Variants in UVSSA observed in about 807,000 individuals in gnomAD.
UVSSA encodes UV-stimulated scaffold protein A.
In UVSSA, 72 loss-of-function variants were observed where a neutral mutation model predicts 73.9. The ratio of observed to expected loss-of-function variants is 0.97; its 90% confidence interval spans 0.81 to 1.19. The LOEUF (loss-of-function observed/expected upper bound fraction) is 1.19, where lower values mean the gene tolerates loss of function less well. UVSSA is among the 50% of genes most tolerant of loss of function. The pLI is 0.00. For synonymous variants in UVSSA, 454 were observed against 391.3 expected, an observed-to-expected ratio of 1.16 and a Z score of -1.89; for missense variants, 1,150 against 965.0, an observed-to-expected ratio of 1.19 and a Z score of -2.54.
intron 10 of UVSSA, among the ~76,000 whole-genome samples, chr4:1,377,103 G>A (rs1718871359): frequency 6.6e-6 from 1 of 152,204 alleles, no homozygotes; most frequent in African/African-American, 2.4e-5. Context: ...TCTCATCCGT[G>A]TGAGGGGCTG....
In UVSSA at chr4:1,375,436, T is replaced by G. The variant is rs142208115; in HGVS notation, c.1361T>G (p.Val454Gly). 6.3e-5 allele frequency: 101 copies of G among 1,613,126 alleles called. No individual in the cohort carries two copies. In the African/African-American group the frequency reaches 6.7e-4, roughly 11 times the overall value. The change falls in exon 9 of 14, where the codon GTG (valine) becomes GGG (glycine). Residue 454 changes from valine to glycine, a missense_variant. Physicochemically the swap from Val to Gly is moderately radical, Grantham distance 109 (BLOSUM62 -3). Transcript: ENST00000389851. ...LRTRTRMDEE[V>G]SDPTSAAAQL... Reference sequence around the variant, plus strand: ...ACGAGGACGAGGATGGACGAGGAGGTGTCGGACCCCACCTCTGCGGCTGCT... The same window carrying G: ...ACGAGGACGAGGATGGACGAGGAGGGGTCGGACCCCACCTCTGCGGCTGCT...
At chr4:1,348,851 T>G (rs969094236) in intron 2 of UVSSA, among the ~76,000 whole-genome samples, 1 of 152,206 alleles carries the variant, frequency 6.6e-6, no homozygotes, top group Non-Finnish European at 1.5e-5. Context: ...GGTCAGGAGC[T>G]GGGAATAGGA....
intron 3 of UVSSA, among the ~76,000 whole-genome samples, chr4:1,350,252 A>G (rs1560420567): frequency 6.6e-6 from 1 of 152,148 alleles, no homozygotes; most frequent in Non-Finnish European, 1.5e-5. Flanking sequence ...CCCGCACCCT[A>G]CTATGGGCTC....
Position 1,386,011 on chromosome 4 carries a change from G to A in UVSSA, c.*50G>A. 1 of 1,588,664 alleles carries A rather than the reference G, an allele frequency of 6.3e-7. No homozygotes were observed. Among genetic ancestry groups the A allele is most frequent in the South Asian group, 1.1e-5 (1 of 90,574 alleles). On this transcript the variant is annotated 3_prime_UTR_variant, in exon 14 of 14. Transcript: ENST00000389851. ...ATCAGCACTTTCTCCCTCTGCCAGTGTCTCAGGACAGCAGAGTGGGCGTGG... is the reference window on the plus strand; with the variant it reads ...ATCAGCACTTTCTCCCTCTGCCAGTATCTCAGGACAGCAGAGTGGGCGTGG...
chr4:1,354,903 T>TGGTG (rs1553877117), intron 6 of UVSSA, 56 bp downstream of exon 6: 127 of 1,465,774 alleles, frequency 8.7e-5, no homozygotes, highest in Non-Finnish European at 1.1e-4. Flanking sequence ...GTGCCATGCA[T>TGGTG]GGGGGGGGTC....
At chr4:1,351,153 C>A (rs893946223) in intron 3 of UVSSA, among the ~76,000 whole-genome samples, 2 of 151,908 alleles carry the variant, frequency 1.3e-5, no homozygotes, top group African/African-American at 4.8e-5. Flanking sequence ...GCAAGCTCCA[C>A]CTCCCGGGTT....
chr4:1,345,818 G>A (rs185573146), upstream of UVSSA, among the ~76,000 whole-genome samples: 6 of 152,184 alleles, frequency 3.9e-5, no homozygotes, highest in East Asian at 1.2e-3. Context: ...ATAAAGAGAG[G>A]GTTTTGTTAG....
chr4:1,380,019 C>T, intron 10 of UVSSA, 28 bp from the exon 11 acceptor site: 1 of 1,572,966 alleles, frequency 6.4e-7, no homozygotes, highest in Non-Finnish European at 8.6e-7. Flanking sequence ...CCTGCAGATG[C>T]TATGAGGGCC....
In UVSSA at chr4:1,387,824, G is replaced by A. The variant is rs1015017009; in HGVS notation, c.*1863G>A. 2.0e-5 allele frequency: 3 copies of A among 152,140 alleles called. No individual in the cohort carries two copies. Among genetic ancestry groups the A allele is most frequent in the Non-Finnish European group, 2.9e-5 (2 of 68,046 alleles). The allele number at this position is 152,140 out of a possible 1,614,324, so 9.4% of individuals were successfully genotyped here. A position where few individuals can be genotyped will look rare whatever the true frequency, so the allele number is the denominator to read the frequency against. On this transcript the variant is annotated 3_prime_UTR_variant, in exon 14 of 14. Coordinates refer to ENST00000389851, the MANE Select transcript of UVSSA (RefSeq NM_020894.4). ...TTTAACCTTATGCCAGTGCCACAGT[G>A]CCTTGATCAGTGCTGCTTTGTTGTG...
intron 7 of UVSSA, among the ~76,000 whole-genome samples, chr4:1,364,478 C>T (rs4974557): frequency 0.075 from 11,497 of 152,280 alleles, 1,092 homozygotes; most frequent in East Asian, 0.43. Flanking sequence ...AGGGGTCAGG[C>T]CCCTCTTCAG....
rs535199724 is a variant in UVSSA at position 1,349,432 on chromosome 4, C to G, written c.99-92C>G. The G allele has an allele frequency of 1.3e-4, 164 of 1,263,430 alleles. No homozygotes were observed. In the East Asian group the frequency reaches 3.9e-3, roughly 30 times the overall value. The allele number at this position is 1,263,430 out of a possible 1,614,324, so 78.3% of individuals were successfully genotyped here. On this transcript the variant is annotated intron_variant, in intron 2 of 13. Transcript: ENST00000389851. ...ATGGGAAGGCAGTGGTGGTCCCTGC[C>G]ACACGTGCGTGCGGCATCCATGCAC...
chr4:1,376,115 C>T lies in UVSSA; in HGVS notation c.1515C>T (p.Gly505=), dbSNP rs768991921. The T allele has an allele frequency of 9.9e-6, 16 of 1,608,462 alleles. No individual in the cohort carries two copies. The highest frequency in any genetic ancestry group is 5.3e-5 in the African/African-American group (4 of 74,870). Residue 505 remains glycine (G), a synonymous_variant, in exon 10 of 14, where the codon GGC becomes GGT. Transcript: ENST00000389851. The stretch of plus-strand genomic sequence containing the variant: ...CCCGGGCGCCTGTGGTGCCCTACGG[C>T]GTGGACCTGCACTACTGGGGCCAGG... ...ERARAPVVPY[G]VDLHYWGQEL...
At chr4:1,346,824 G>A (rs989612887), upstream of UVSSA, among the ~76,000 whole-genome samples, 1 of 152,144 alleles carries the variant, frequency 6.6e-6, no homozygotes, top group African/African-American at 2.4e-5. Context: ...CGCCCCCGGC[G>A]CCCGTACATG....
Position 1,383,798 on chromosome 4 carries a change from G to GA in UVSSA, c.1896dup (p.Ala633SerfsTer34). Reference sequence around the variant, plus strand: ...GGACCCTGAGTTGATGAGAGACGTGGAAGCAGCCACAGGGCAGGATCTCGG... The same window carrying GA: ...GGACCCTGAGTTGATGAGAGACGTGGAAAGCAGCCACAGGGCAGGATCTCGG... On this transcript the variant is annotated frameshift_variant, in exon 13 of 14. Coordinates refer to ENST00000389851, the MANE Select transcript of UVSSA (RefSeq NM_020894.4). LOFTEE classifies it high-confidence loss of function. 6.2e-7 allele frequency: 1 copy of GA among 1,613,592 alleles called. No individual in the cohort carries two copies. The highest frequency in any genetic ancestry group is 1.1e-5 in the South Asian group (1 of 91,086).
Position 1,348,106 on chromosome 4 carries a change from T to G in UVSSA, c.15T>G (p.Leu5=), listed in dbSNP as rs1714001342. The change falls in exon 2 of 14, where the codon CTT becomes CTG. Residue 5 remains leucine, a synonymous_variant. Transcript: ENST00000389851. ...TATTTCTAGATATGGATCAGAAACT[T>G]TCGAAGTTGGTAGAAGAGCTCACAA... MDQK[L]SKLVEELTTS... 2 of 1,613,496 alleles carry G rather than the reference T, an allele frequency of 1.2e-6. No individual in the cohort carries two copies.
chr4:1,385,834 C>G (rs754262514), intron 13 of UVSSA, 34 bp from the exon 14 acceptor site: 1 of 1,612,678 alleles, frequency 6.2e-7, no homozygotes, highest in Non-Finnish European at 8.5e-7. Flanking sequence ...TGGCGGAAGC[C>G]TCCCAGGTCA....
chr4:1,357,774 A>G (rs4974606), intron 7 of UVSSA, among the ~76,000 whole-genome samples: 116,092 of 152,212 alleles, frequency 0.76, 45,286 homozygotes, highest in African/African-American at 0.93. Flanking sequence ...TGCAGGCTGC[A>G]GGCTCCTGCT....
At chr4:1,392,140 G>A (rs879338732), downstream of UVSSA, 22 of 152,112 alleles carry the variant, frequency 1.4e-4, no homozygotes, top group African/African-American at 4.1e-4. Flanking sequence ...CAGTAACAAC[G>A]TAAAACCAAT....
chr4:1,366,077 G>A (rs554031147), intron 7 of UVSSA: 2 of 326,356 alleles, frequency 6.1e-6, no homozygotes, highest in South Asian at 1.3e-4. Flanking sequence ...GTTACAGTTC[G>A]TGGTTTTAAC....
Sources: gnomAD v4.1 joint callset for allele counts (sites outside exome capture counted in the v4.1 genomes callset) on GRCh38, gnomAD v4.1.1 for gene constraint, MANE v1.5 for transcripts, NCBI Gene and HGNC (gene_info 2026-07-23, HGNC 2026-07-21) for gene names.